Variants in ADGRL2 observed in about 807,000 individuals in gnomAD.
The protein encoded by ADGRL2 is calcium-independent alpha-latrotoxin receptor 2.
ADGRL2 carries 44 observed loss-of-function variants against 157.4 expected under a neutral mutation model. The ratio of observed to expected loss-of-function variants is 0.28; its 90% CI spans 0.22 to 0.36. The LOEUF is 0.36. ADGRL2 is among the 10% of genes least tolerant of loss of function. The pLI, the probability that ADGRL2 is intolerant of heterozygous loss-of-function variation, is 1.00. For synonymous variants in ADGRL2, 585 were observed against 624.7 expected (o/e 0.94, Z 0.95); for missense variants, 1,510 against 1,768.9 (o/e 0.85, Z 2.63).
intron 23 of ADGRL2, 135 bp from the exon 24 acceptor site, chr1:81,990,256 C>A (rs190712331): frequency 3.2e-5 from 48 of 1,494,002 alleles, no homozygotes; most frequent in Non-Finnish European, 4.1e-5. Context: ...TGCAGGAAAG[C>A]CTGGCACTTT....
At chr1:81,312,465 C>G (rs1031028648) in intron 1 of ADGRL2, among the ~76,000 whole-genome samples, 2 of 152,170 alleles carry the variant, frequency 1.3e-5, no homozygotes, top group African/African-American at 4.8e-5. Flanking sequence ...GGATAGAAAG[C>G]AGAACTTTCT....
intron 1 of ADGRL2, among the ~76,000 whole-genome samples, chr1:81,804,013 A>G (rs894499091): frequency 2.0e-5 from 3 of 152,208 alleles, no homozygotes; most frequent in Non-Finnish European, 2.9e-5. Context: ...AACCTTAGAA[A>G]ATAGGCACTA....
At chr1:81,882,312 A>G (rs1046303365) in intron 2 of ADGRL2, among the ~76,000 whole-genome samples, 3 of 152,206 alleles carry the variant, frequency 2.0e-5, no homozygotes, top group African/African-American at 7.2e-5. Flanking sequence ...TGCCAAATAT[A>G]CTACTAATAA....
chr1:81,436,969 C>A (rs747352372), intron 1 of ADGRL2, among the ~76,000 whole-genome samples: 1 of 152,190 alleles, frequency 6.6e-6, no homozygotes, highest in Non-Finnish European at 1.5e-5. Context: ...CCACTCCTTA[C>A]GATAGTAAAT....
chr1:81,982,347 A>C (rs1448908741), intron 19 of ADGRL2, among the ~76,000 whole-genome samples: 1 of 152,042 alleles, frequency 6.6e-6, no homozygotes, highest in African/African-American at 2.4e-5. Context: ...GTATAAGGAT[A>C]AATGATGTTA....
intron 2 of ADGRL2, among the ~76,000 whole-genome samples, chr1:81,570,536 G>A (rs933925334): frequency 6.6e-6 from 1 of 152,040 alleles, no homozygotes; most frequent in Admixed American, 6.6e-5. Context: ...CTACAGGCGT[G>A]TGCCACCACA....
intron 2 of ADGRL2, among the ~76,000 whole-genome samples, chr1:81,789,005 T>G (rs1306205684): frequency 6.6e-6 from 1 of 152,132 alleles, no homozygotes; most frequent in Non-Finnish European, 1.5e-5. Context: ...GGTGAGCCAC[T>G]GCGCCTGGTC....
chr1:81,420,987 A>T (rs369097776), intron 1 of ADGRL2, among the ~76,000 whole-genome samples: 6 of 152,314 alleles, frequency 3.9e-5, no homozygotes, highest in African/African-American at 1.4e-4. Context: ...TGAAACCCTG[A>T]CAGAAGGGCC....
At chr1:81,577,101 A>G (rs2148520556) in intron 2 of ADGRL2, among the ~76,000 whole-genome samples, 1 of 152,300 alleles carries the variant, frequency 6.6e-6, no homozygotes, top group South Asian at 2.1e-4. Flanking sequence ...CTACTCTGGT[A>G]ACTCTTCAAC....
intron 1 of ADGRL2, among the ~76,000 whole-genome samples, chr1:81,386,573 G>T (rs755504731): frequency 6.6e-6 from 1 of 152,042 alleles, no homozygotes; most frequent in Non-Finnish European, 1.5e-5. Context: ...TGGTGGCCAG[G>T]CCTTACAAAA....
intron 2 of ADGRL2, among the ~76,000 whole-genome samples, chr1:81,469,232 T>A (rs1557712738): frequency 6.6e-6 from 1 of 152,190 alleles, no homozygotes; most frequent in Non-Finnish European, 1.5e-5. Flanking sequence ...TTGAGAACCA[T>A]TTCTGTAAAT....
chr1:81,460,757 C>T (rs2077909355), intron 2 of ADGRL2, among the ~76,000 whole-genome samples: 1 of 152,166 alleles, frequency 6.6e-6, no homozygotes, highest in South Asian at 2.1e-4. Context: ...CTCCTGGGTC[C>T]TACCAAATTG....
chr1:81,621,343 G>A (rs1010246231), intron 3 of ADGRL2, among the ~76,000 whole-genome samples: 2 of 152,112 alleles, frequency 1.3e-5, no homozygotes, highest in Admixed American at 1.3e-4. Flanking sequence ...GCATATGCAG[G>A]ACCCTGACTT....
At chr1:81,899,468 A>T (rs2094450772) in intron 2 of ADGRL2, among the ~76,000 whole-genome samples, 1 of 152,126 alleles carries the variant, frequency 6.6e-6, no homozygotes, top group South Asian at 2.1e-4. Context: ...AAGCAGAGAG[A>T]GTTATATCTT....
At chr1:81,586,069 C>G (rs1557484157) in intron 3 of ADGRL2, 1 of 151,646 alleles carries the variant, frequency 6.6e-6, no homozygotes, top group Non-Finnish European at 1.5e-5. Flanking sequence ...CCAGCTAAAG[C>G]CAATGAAAAT....
chr1:81,832,690 T>A (rs1426189369), intron 1 of ADGRL2, among the ~76,000 whole-genome samples: 3 of 152,346 alleles, frequency 2.0e-5, no homozygotes, highest in Non-Finnish European at 2.9e-5. Context: ...GCTGGCCACG[T>A]GGTTTTAAAA....
chr1:81,963,643 T>G (rs1656166692), intron 11 of ADGRL2, among the ~76,000 whole-genome samples: 1 of 151,814 alleles, frequency 6.6e-6, no homozygotes, highest in Non-Finnish European at 1.5e-5. Context: ...CTGTGAATAC[T>G]TTTTAAATTT....
intron 2 of ADGRL2, among the ~76,000 whole-genome samples, chr1:81,486,363 A>G (rs2078500389): frequency 6.6e-6 from 1 of 152,132 alleles, no homozygotes; most frequent in South Asian, 2.1e-4. Flanking sequence ...GCTTGGAAAG[A>G]GTCACTGTTT....
At chr1:81,522,522 G>T (rs1158522645) in intron 2 of ADGRL2, among the ~76,000 whole-genome samples, 2 of 152,146 alleles carry the variant, frequency 1.3e-5, no homozygotes, top group African/African-American at 4.8e-5. Flanking sequence ...CATCTAGAGG[G>T]CCAGCAGCAC....
Sources: gnomAD v4.1 joint callset for allele counts (sites outside exome capture counted in the v4.1 genomes callset) on GRCh38, gnomAD v4.1.1 for gene constraint, MANE v1.5 for transcripts, NCBI Gene and HGNC (gene_info 2026-07-23, HGNC 2026-07-21) for gene names.